Variants in ZNF704 observed in about 807,000 individuals in gnomAD.
ZNF704 encodes zinc finger protein 704, also known as glucocorticoid induced gene 1.
In ZNF704, 10 loss-of-function variants were observed where a neutral mutation model predicts 44.7. The observed-to-expected ratio is 0.22, with a 90% CI of 0.14 to 0.38. The LOEUF (loss-of-function observed/expected upper bound fraction) is 0.38. ZNF704 is among the 10% of genes least tolerant of loss of function. The probability of loss-of-function intolerance (pLI) is 1.00; values close to 1 mark genes in which losing one functional copy is unlikely to be tolerated. For synonymous variants in ZNF704, 211 were observed against 207.6 expected, an observed-to-expected ratio of 1.02 and a Z score of -0.14; for missense variants, 390 against 545.5, an observed-to-expected ratio of 0.71 and a Z score of 2.84.
intron 2 of ZNF704, among the ~76,000 whole-genome samples, chr8:80,696,184 T>C (rs982391716): frequency 3.3e-5 from 5 of 152,226 alleles, no homozygotes; most frequent in African/African-American, 9.6e-5. Context: ...TTTGGAGTTA[T>C]TGATAAAAAA....
chr8:80,649,347 G>T (rs577139749), intron 7 of ZNF704, among the ~76,000 whole-genome samples: 1 of 152,204 alleles, frequency 6.6e-6, no homozygotes, highest in African/African-American at 2.4e-5. Context: ...CACCGAGTGT[G>T]AGCCGAAGCA....
chr8:80,744,359 G>A (rs1806810887), intron 2 of ZNF704, among the ~76,000 whole-genome samples: 1 of 151,924 alleles, frequency 6.6e-6, no homozygotes, highest in African/African-American at 2.4e-5. Flanking sequence ...CTAAATCCTA[G>A]GGCACTAAAA....
At chr8:80,873,067 G>A (rs1809281535) in intron 1 of ZNF704, among the ~76,000 whole-genome samples, 1 of 152,148 alleles carries the variant, frequency 6.6e-6, no homozygotes, top group South Asian at 2.1e-4. Context: ...TGGAAGAAGG[G>A]GCTGAGAGAT....
At chr8:80,800,255 C>G (rs1586036611) in intron 2 of ZNF704, among the ~76,000 whole-genome samples, 1 of 152,172 alleles carries the variant, frequency 6.6e-6, no homozygotes. Flanking sequence ...TTCAGGATAT[C>G]ATCCAGGAGA....
intron 2 of ZNF704, among the ~76,000 whole-genome samples, chr8:80,785,496 G>A (rs1441161525): frequency 2.0e-5 from 3 of 152,136 alleles, no homozygotes; most frequent in Non-Finnish European, 2.9e-5. Flanking sequence ...CTTCTGCAAG[G>A]TGACTTACCC....
intron 2 of ZNF704, among the ~76,000 whole-genome samples, chr8:80,695,210 A>T (rs929986682): frequency 6.6e-6 from 1 of 152,220 alleles, no homozygotes; most frequent in Non-Finnish European, 1.5e-5. Flanking sequence ...CTGGTCACAG[A>T]AGGGATAAGT....
intron 2 of ZNF704, among the ~76,000 whole-genome samples, chr8:80,795,201 C>T (rs1807777890): frequency 6.6e-6 from 1 of 152,186 alleles, no homozygotes; most frequent in African/African-American, 2.4e-5. Flanking sequence ...AGAGACAATG[C>T]AAATGAATGA....
chr8:80,717,634 C>T (rs1819092243), intron 2 of ZNF704, among the ~76,000 whole-genome samples: 1 of 152,206 alleles, frequency 6.6e-6, no homozygotes, highest in South Asian at 2.1e-4. Flanking sequence ...GCATTCCCTG[C>T]TTTTTAAGTC....
intron 2 of ZNF704, among the ~76,000 whole-genome samples, chr8:80,750,694 T>C (rs1806927700): frequency 6.6e-6 from 1 of 152,150 alleles, no homozygotes; most frequent in Non-Finnish European, 1.5e-5. Context: ...TTTGTATTTT[T>C]AGTAGAGACG....
At chr8:80,846,246 T>C (rs1388856547) in intron 1 of ZNF704, among the ~76,000 whole-genome samples, 1 of 152,156 alleles carries the variant, frequency 6.6e-6, no homozygotes, top group Non-Finnish European at 1.5e-5. Flanking sequence ...TAGTAGTTGC[T>C]CTTGAGTAAA....
intron 2 of ZNF704, among the ~76,000 whole-genome samples, chr8:80,782,619 G>A (rs1489042413): frequency 6.6e-6 from 1 of 152,146 alleles, no homozygotes; most frequent in Admixed American, 6.5e-5. Context: ...TACAATAGTA[G>A]GAATGGTATT....
At chr8:80,643,900 G>C (rs918456954) in intron 7 of ZNF704, among the ~76,000 whole-genome samples, 2 of 152,108 alleles carry the variant, frequency 1.3e-5, no homozygotes, top group African/African-American at 4.8e-5. Context: ...ACACAGTGCA[G>C]GTCTAGGTCT....
At chr8:80,670,660 T>G in intron 4 of ZNF704, 57 bp from the exon 5 acceptor site, 1 of 1,243,784 alleles carries the variant, frequency 8.0e-7, no homozygotes, top group South Asian at 1.2e-5. Flanking sequence ...AACATTTTCT[T>G]TATGTCATCC....
chr8:80,730,538 T>TAAAAAAA (rs148942015), intron 2 of ZNF704, among the ~76,000 whole-genome samples: 4 of 63,960 alleles, frequency 6.3e-5, no homozygotes, highest in African/African-American at 2.0e-4. Context: ...GACTACATCT[T>TAAAAAAA]AAAAAAAAAA....
At chr8:80,809,564 T>C (rs987418166) in intron 2 of ZNF704, among the ~76,000 whole-genome samples, 3 of 152,196 alleles carry the variant, frequency 2.0e-5, no homozygotes, top group Non-Finnish European at 4.4e-5. Context: ...CAAAAGCTTT[T>C]CATCATTTAG....
intron 2 of ZNF704, among the ~76,000 whole-genome samples, chr8:80,708,597 T>C (rs907264823): frequency 1.3e-5 from 2 of 152,286 alleles, no homozygotes; most frequent in Non-Finnish European, 1.5e-5. Context: ...AGTGATTGTA[T>C]AGCTATCAGG....
At chr8:80,698,937 G>A (rs972971197) in intron 2 of ZNF704, among the ~76,000 whole-genome samples, 1 of 152,152 alleles carries the variant, frequency 6.6e-6, no homozygotes, top group Non-Finnish European at 1.5e-5. Flanking sequence ...ACTGTCTCCT[G>A]TGACTAGCTA....
chr8:80,634,554 G>A lies in ZNF704; in HGVS notation c.*6812C>T, dbSNP rs966059650. Reference sequence around the variant, plus strand: ...CAGTGTTGGCCAAGAGTTTGAGTTAGTTGTCAACACTTACGTGTCAGGTAA... The same window carrying A: ...CAGTGTTGGCCAAGAGTTTGAGTTAATTGTCAACACTTACGTGTCAGGTAA... On this transcript the variant is annotated 3_prime_UTR_variant, in exon 9 of 9. Coordinates refer to ENST00000327835, the MANE Select transcript of ZNF704 (RefSeq NM_001033723.3). 2.0e-5 allele frequency: 3 copies of A among 152,226 alleles called. No individual in the cohort carries two copies. The highest frequency in any genetic ancestry group is 1.3e-4 in the Admixed American group (2 of 15,278). 9.4% of individuals were successfully genotyped at this position (152,226 alleles called of 1,614,324 possible). A position where few individuals can be genotyped will look rare whatever the true frequency, so the allele number is the denominator to read the frequency against.
At chr8:80,878,685 C>A (rs899935212), upstream of ZNF704, among the ~76,000 whole-genome samples, 1 of 152,218 alleles carries the variant, frequency 6.6e-6, no homozygotes, top group Non-Finnish European at 1.5e-5. Flanking sequence ...TCTATTACAA[C>A]CTTCAGGCTG....
Sources: gnomAD v4.1 joint callset for allele counts (sites outside exome capture counted in the v4.1 genomes callset) on GRCh38, gnomAD v4.1.1 for gene constraint, MANE v1.5 for transcripts, NCBI Gene and HGNC (gene_info 2026-07-23, HGNC 2026-07-21) for gene names.